CEP250: variants seen among roughly 807,000 people sequenced by gnomAD.
The protein encoded by CEP250 is centrosomal protein 250.
Under a neutral mutation model 315.7 loss-of-function variants are expected in CEP250, and 242 were observed. The observed-to-expected ratio is 0.77, with a 90% CI of 0.69 to 0.85. CEP250 has a LOEUF of 0.85. CEP250 is among the 40% of genes least tolerant of loss of function. The probability of loss-of-function intolerance (pLI) is 0.00; values close to 1 mark genes in which losing one functional copy is unlikely to be tolerated. For synonymous variants in CEP250, 1,088 were observed against 1,175.0 expected, an observed-to-expected ratio of 0.93 and a Z score of 1.51; for missense variants, 2,515 against 2,886.4, an observed-to-expected ratio of 0.87 and a Z score of 2.95.
chr20:35,502,264 C>CACTAT, intron 29 of CEP250, 126 bp from the exon 30 acceptor site: 1 of 795,318 alleles, frequency 1.3e-6, no homozygotes, highest in Non-Finnish European at 1.9e-6. Context: ...TGGAATATAC[C>CACTAT]ACCACTTTTT....
Position 35,472,170 on chromosome 20 carries a change from T to A in CEP250, c.1050+19T>A, listed in dbSNP as rs376261626. On this transcript the variant is annotated intron_variant, in intron 11 of 34. Coordinates refer to ENST00000397527, the MANE Select transcript of CEP250 (RefSeq NM_007186.6). ...AACCCAGGTACTGGGAAGCCTCCTG[T>A]TCATGGTAACCAGGTTATGCCTCCA... 6.8e-7 allele frequency: 1 copy of A among 1,466,778 alleles called. No homozygotes were observed. The allele number at this position is 1,466,778 out of a possible 1,614,324, so 90.9% of individuals were successfully genotyped here.
At chr20:35,481,889 A>G (rs224367) in intron 20 of CEP250, among the ~76,000 whole-genome samples, 151,507 of 152,174 alleles carry the variant, frequency 1, 75,427 homozygotes, top group Middle Eastern at 1. Context: ...TGGTAGAGAC[A>G]GGGTTTCACC....
In CEP250 at chr20:35,472,579, A is replaced by G. The variant is rs1475956734; in HGVS notation, c.1051-94A>G. 8 of 1,289,794 alleles carry G rather than the reference A, an allele frequency of 6.2e-6. No individual in the cohort carries two copies. The East Asian group carries it at 1.6e-4, about 26-fold the overall frequency. 79.9% of individuals were successfully genotyped at this position (1,289,794 alleles called of 1,614,324 possible). ...CCCAGGGGAGAGGACCTGAGAAGGA[A>G]AACATCAGGTTTGTCCAGGCTATAG... On this transcript the variant is annotated intron_variant, in intron 11 of 34. Transcript: ENST00000397527.
In CEP250 at chr20:35,474,024, C is replaced by G. The variant is rs749894238; in HGVS notation, c.1543C>G (p.His515Asp). The G allele has an allele frequency of 6.3e-7, 1 of 1,587,846 alleles. No individual in the cohort carries two copies. The highest frequency in any genetic ancestry group is 1.9e-5 in the Admixed American group (1 of 53,028). The change falls in exon 14 of 35, where the codon CAC becomes GAC. Residue 515 changes from histidine to aspartate, a missense_variant. His to Asp is a moderately conservative substitution (Grantham distance 81). Transcript: ENST00000397527. Reference protein sequence around the residue: ...GQKEEQQEELHLAVRERERLQ... With the variant: ...GQKEEQQEELDLAVRERERLQ... The stretch of plus-strand genomic sequence containing the variant: ...GAAGGAGGAACAGCAGGAGGAGCTG[C>G]ACCTGGCTGTCCGGGAGAGGGAGCG...
Position 35,503,396 on chromosome 20 carries a change from G to A in CEP250, c.5027G>A (p.Arg1676Gln), listed in dbSNP as rs199897634. 203 of 1,614,040 alleles carry A rather than the reference G, an allele frequency of 1.3e-4. No homozygotes were observed. Among genetic ancestry groups the A allele is most frequent in the Non-Finnish European group, 1.5e-4 (177 of 1,180,046 alleles). Residue 1676 changes from arginine (R) to glutamine (Q), a missense_variant, in exon 30 of 35, where the codon CGG becomes CAG. Physicochemically the swap from Arg to Gln is conservative, Grantham distance 43. Coordinates refer to ENST00000397527, the MANE Select transcript of CEP250 (RefSeq NM_007186.6). The surrounding 1 kb of genome is among the most constrained non-coding windows in gnomAD (Gnocchi z 4.2). ...RIQVLEDQRT[R>Q]QTKILEEDLE... is the part of the protein sequence containing the mutation. ...CAGGTTCTCGAGGATCAGAGGACCC[G>A]GCAGACCAAGATCCTGGAGGAGGAC... is the stretch of plus-strand genomic sequence containing the variant.
At chr20:35,501,316 G>A (rs1373819482) in intron 28 of CEP250, among the ~76,000 whole-genome samples, 1 of 152,058 alleles carries the variant, frequency 6.6e-6, no homozygotes, top group African/African-American at 2.4e-5. Context: ...CAGCCTGGGT[G>A]ACAGAGCAAG....
At position 35,466,334 on chromosome 20, in the gene CEP250, C is replaced by T. The variant is rs147681150; in HGVS notation, c.492+130C>T. 173 of 1,112,394 alleles carry T rather than the reference C, an allele frequency of 1.6e-4. 1 individual carries two copies. The highest frequency in any genetic ancestry group is 1.5e-3 in the Middle Eastern group (5 of 3,314). 68.9% of individuals were successfully genotyped at this position (1,112,394 alleles called of 1,614,324 possible). A position where few individuals can be genotyped will look rare whatever the true frequency, so the allele number is the denominator to read the frequency against. ...AGCTGTTGCTGTTAAAGTCCCTGACCATCCTTACCTGCGCATGCTGGCAGC... is the reference window on the plus strand; with the variant it reads ...AGCTGTTGCTGTTAAAGTCCCTGACTATCCTTACCTGCGCATGCTGGCAGC... On this transcript the variant is annotated intron_variant, in intron 7 of 34. Coordinates refer to ENST00000397527, the MANE Select transcript of CEP250 (RefSeq NM_007186.6).
At position 35,498,034 on chromosome 20, in the gene CEP250, G is replaced by A. The variant is rs2063894791; in HGVS notation, c.3622G>A (p.Asp1208Asn). 4 of 1,592,304 alleles carry A rather than the reference G, an allele frequency of 2.5e-6. No individual in the cohort carries two copies. The highest frequency in any genetic ancestry group is 3.4e-6 in the Non-Finnish European group (4 of 1,164,704). Residue 1208 changes from aspartate to asparagine, a missense_variant, in exon 26 of 35, where the codon GAC (aspartate) becomes AAC (asparagine). Asp to Asn is a conservative substitution (Grantham distance 23). Transcript: ENST00000397527. ...CAGGCCTGAGCTGAGTGGTGGGGGA[G>A]ACTCTGCTCCTTCCGTCTGGGGCCT... ...ESRPELSGGG[D>N]SAPSVWGLEP...
intron 29 of CEP250, 139 bp from the exon 30 acceptor site, chr20:35,502,251 A>G: frequency 1.3e-6 from 1 of 775,504 alleles, no homozygotes; most frequent in Non-Finnish European, 2.0e-6. Flanking sequence ...GTATCAGCTT[A>G]AGTGGAATAT....
In CEP250 at chr20:35,466,165, G is replaced by A; in HGVS notation, c.453G>A (p.Glu151=). ...TGGACTGGAGCCGGGCCCGGGATGA[G>A]CTAATGAGGAAGGAGAGCCAGTGGC... ...LTVDWSRARD[E]LMRKESQWQM... is the part of the protein sequence containing the mutation. The change falls in exon 7 of 35, where the codon GAG becomes GAA. Residue 151 remains glutamate, a synonymous_variant. Coordinates refer to ENST00000397527, the MANE Select transcript of CEP250 (RefSeq NM_007186.6). 1 of 1,608,924 alleles carries A rather than the reference G, an allele frequency of 6.2e-7. No homozygotes were observed. Among genetic ancestry groups the A allele is most frequent in the South Asian group, 1.1e-5 (1 of 90,384 alleles).
In CEP250 at chr20:35,504,578, A is replaced by C; in HGVS notation, c.6209A>C (p.Gln2070Pro). 6.2e-7 allele frequency: 1 copy of C among 1,614,190 alleles called. No individual in the cohort carries two copies. The highest frequency in any genetic ancestry group is 2.2e-5 in the East Asian group (1 of 44,886). Residue 2070 changes from glutamine to proline, a missense_variant, in exon 30 of 35, where the codon CAA (glutamine) becomes CCA (proline). Gln to Pro is a moderately conservative substitution (Grantham distance 76, BLOSUM62 -1). Transcript: ENST00000397527. ...LLEKSLAQRV[Q>P]ENMIQEKQNL... ...GAGAAGTCTCTGGCCCAGAGGGTCC[A>C]AGAGAATATGATCCAAGAGAAGCAG...
Position 35,493,442 on chromosome 20 carries a change from TA to T in CEP250, c.2904del (p.Leu969TyrfsTer12). 1 of 1,602,030 alleles carries T rather than the reference TA, an allele frequency of 6.2e-7. No homozygotes were observed. The highest frequency in any genetic ancestry group is 2.3e-5 in the East Asian group (1 of 43,926). ...ATCCCTCTTCAGGAGACCACTGGGA[TA>T]CTACAGACCCAGCTCCAGGAGGCTC... ...QKLKEQETTG[I>X]LQTQLQEAQR... is the part of the protein sequence containing the mutation. On this transcript the variant is annotated frameshift_variant, in exon 23 of 35. Transcript: ENST00000397527. LOFTEE classifies it high-confidence loss of function.
chr20:35,516,899 C>A lies in CEP250; in HGVS notation c.*5273C>A. 1 of 818,222 alleles carries A rather than the reference C, an allele frequency of 1.2e-6. No individual in the cohort carries two copies. The highest frequency in any genetic ancestry group is 1.5e-6 in the Non-Finnish European group (1 of 677,288). 50.7% of individuals were successfully genotyped at this position (818,222 alleles called of 1,614,324 possible). On this transcript the variant is annotated 3_prime_UTR_variant, in exon 35 of 35. Coordinates refer to ENST00000397527, the MANE Select transcript of CEP250 (RefSeq NM_007186.6). ...TGTTATCCATTCATTCAGGTTAGAC[C>A]TCTGAGCAGACGGCAGAAACGTCAG...
In CEP250 at chr20:35,497,823, G is replaced by A; in HGVS notation, c.3411G>A (p.Gln1137=). The A allele has an allele frequency of 6.4e-7, 1 of 1,567,720 alleles. No individual in the cohort carries two copies. ...AGGCGTCTCATATCACGGAGCAGCA[G>A]CTGCGAGCCTCCTTGTGGGCCCAGG... ...ELEASHITEQ[Q]LRASLWAQEA... is the part of the protein sequence containing the mutation. The change falls in exon 26 of 35, where the codon CAG becomes CAA. Residue 1137 remains glutamine, a synonymous_variant. Transcript: ENST00000397527.
chr20:35,507,554 C>T (rs1342045390), intron 30 of CEP250, among the ~76,000 whole-genome samples, 184 bp from the exon 31 acceptor site: 2 of 151,906 alleles, frequency 1.3e-5, no homozygotes, highest in Non-Finnish European at 2.9e-5. Flanking sequence ...TGAGAAGAGC[C>T]CCTCTGCTCC....
rs2063219361 is a variant in CEP250, at chr20:35,477,920, A to C, written c.1913A>C (p.Gln638Pro). ...TGCAGCAGAATGGAGGCCGCAGAGC[A>C]GGCGAGAAATGCTTTGCAGGTCGAC... ...SVCSRMEAAE[Q>P]ARNALQVDLA... The change falls in exon 17 of 35, where the codon CAG becomes CCG. Residue 638 changes from glutamine to proline, a missense_variant. Coordinates refer to ENST00000397527, the MANE Select transcript of CEP250 (RefSeq NM_007186.6). 1 of 1,605,020 alleles carries C rather than the reference A, an allele frequency of 6.2e-7. No homozygotes were observed. The highest frequency in any genetic ancestry group is 8.5e-7 in the Non-Finnish European group (1 of 1,176,098).
chr20:35,479,039 G>T (rs2063259698), intron 17 of CEP250, among the ~76,000 whole-genome samples, 192 bp from the exon 18 acceptor site: 1 of 152,224 alleles, frequency 6.6e-6, no homozygotes, highest in Non-Finnish European at 1.5e-5. Flanking sequence ...TCACAGGGGA[G>T]CATTCTTCCT....
At chr20:35,475,438 G>C in intron 14 of CEP250, 64 bp from the exon 15 acceptor site, 1 of 1,514,252 alleles carries the variant, frequency 6.6e-7, no homozygotes, top group South Asian at 1.2e-5. Context: ...TTATATTCCT[G>C]TTACCTTTGG....
chr20:35,497,642 G>T, intron 25 of CEP250, 77 bp from the exon 26 acceptor site: 1 of 995,326 alleles, frequency 1.0e-6, no homozygotes, highest in Non-Finnish European at 1.5e-6. Flanking sequence ...CAAGGATTGA[G>T]TGGGGTCTGG....
Sources: allele counts gnomAD v4.1 joint callset (sites outside exome capture counted in the v4.1 genomes callset), GRCh38; gene constraint gnomAD v4.1.1; non-coding constraint Gnocchi (gnomAD v3.1); transcripts MANE v1.5; gene names NCBI Gene and HGNC (gene_info 2026-07-23, HGNC 2026-07-21).